Variants in KIF6 observed in about 807,000 individuals in gnomAD.
KIF6 encodes the protein kinesin-like protein KIF6.
A neutral mutation model predicts 112.7 loss-of-function variants in KIF6; 106 were observed. The observed-to-expected ratio is 0.94, with a 90% CI of 0.80 to 1.11. The LOEUF (loss-of-function observed/expected upper bound fraction) is 1.11. Ranked by LOEUF, KIF6 falls within the 50% of genes least tolerant of loss-of-function variation. KIF6 has a pLI of 0.00. For synonymous variants in KIF6, 339 were observed against 339.9 expected, an observed-to-expected ratio of 1.00 and a Z score of 0.03; for missense variants, 929 against 964.0, an observed-to-expected ratio of 0.96 and a Z score of 0.48.
chr6:39,428,688 C>T (rs1229532921), intron 14 of KIF6, among the ~76,000 whole-genome samples: 1 of 152,088 alleles, frequency 6.6e-6, no homozygotes, highest in Non-Finnish European at 1.5e-5. Flanking sequence ...ACCTTTTTTG[C>T]TAAAGCATAT....
chr6:39,458,209 G>T (rs1489502898), intron 13 of KIF6, among the ~76,000 whole-genome samples: 1 of 147,676 alleles, frequency 6.8e-6, no homozygotes, highest in Non-Finnish European at 1.5e-5. Context: ...ATGCAAGGCT[G>T]GTTCAATATA....
At chr6:39,454,379 G>A (rs942599716) in intron 13 of KIF6, among the ~76,000 whole-genome samples, 10 of 151,766 alleles carry the variant, frequency 6.6e-5, no homozygotes, top group Non-Finnish European at 8.8e-5. Context: ...TAGATAGAAT[G>A]GAGGAAAGGC....
chr6:39,432,929 C>A (rs746161213), intron 13 of KIF6, among the ~76,000 whole-genome samples: 40 of 151,920 alleles, frequency 2.6e-4, no homozygotes, highest in Non-Finnish European at 4.3e-4. Context: ...TGCTCCCCCC[C>A]GCAGGGGAGC....
chr6:39,514,767 C>G (rs1562278723), intron 13 of KIF6, among the ~76,000 whole-genome samples: 2 of 131,268 alleles, frequency 1.5e-5, no homozygotes, highest in African/African-American at 7.4e-5. Context: ...AAACTCAAGG[C>G]TTTTTTTCCC....
intron 13 of KIF6, among the ~76,000 whole-genome samples, chr6:39,449,239 C>G (rs1245138977): frequency 6.6e-6 from 1 of 152,214 alleles, no homozygotes; most frequent in Non-Finnish European, 1.5e-5. Flanking sequence ...CTGCTTTAAA[C>G]TCTCCTGTGG....
In KIF6 at chr6:39,357,287, A is replaced by G. The variant is rs920255452; in HGVS notation, c.2170T>C (p.Ser724Pro). Residue 724 changes from serine to proline, a missense_variant, in exon 19 of 23, where the codon TCT becomes CCT. Around this residue, in one of 2 missense-constraint regions of KIF6, gnomAD observed 241 missense variants for 301.4 expected, o/e 0.80. Transcript: ENST00000287152. ...GAGTTCTCACCTTACCTTTTGTTAG[A>G]GAGGAGTTGGGACCATTCATGCTGG... is the stretch of plus-strand genomic sequence containing the variant. The part of the protein sequence containing the change: ...DSQHEWSQLL[S>P]NKSSGGWEVQ... The G allele has an allele frequency of 6.2e-7, 1 of 1,611,496 alleles. No homozygotes were observed. Among genetic ancestry groups the G allele is most frequent in the Non-Finnish European group, 8.5e-7 (1 of 1,178,080 alleles).
intron 13 of KIF6, among the ~76,000 whole-genome samples, chr6:39,460,877 A>G (rs1033047119): frequency 1.9e-4 from 29 of 152,152 alleles, no homozygotes; most frequent in African/African-American, 6.8e-4. Flanking sequence ...TACCTTTGTA[A>G]TACTGCTTCC....
In KIF6 at chr6:39,337,738, A is replaced by G. The variant is rs55848897; in HGVS notation, c.2429-1190T>C. On this transcript the variant is annotated intron_variant, in intron 22 of 22. Coordinates refer to ENST00000287152, the MANE Select transcript of KIF6 (RefSeq NM_145027.6). Reference sequence around the variant, plus strand: ...TGTGGCCCCTATCCTGTCATCTCCCATGGCTGGGCATGGAGAGGGTTCTCT... The same window carrying G: ...TGTGGCCCCTATCCTGTCATCTCCCGTGGCTGGGCATGGAGAGGGTTCTCT... 6.4e-3 allele frequency among the ~76,000 whole-genome samples: 973 copies of G among 152,198 alleles called. 16 individuals are homozygous for G. The highest frequency in any genetic ancestry group is 0.022 in the African/African-American group (905 of 41,534).
At chr6:39,399,362 A>G (rs1024948676) in intron 15 of KIF6, among the ~76,000 whole-genome samples, 2 of 152,152 alleles carry the variant, frequency 1.3e-5, no homozygotes, top group Non-Finnish European at 2.9e-5. Context: ...CAGGTACTCA[A>G]TAGTGGTCAC....
chr6:39,460,536 T>TAAAAAAAAAAAAAAAAAA (rs759528125), intron 13 of KIF6, among the ~76,000 whole-genome samples: 116 of 57,000 alleles, frequency 2.0e-3, no homozygotes, highest in Non-Finnish European at 2.9e-3. Flanking sequence ...AAAAAAAAAG[T>TAAAAAAAAAAAAAAAAAA]AAAAAAAAAA....
At chr6:39,351,182 CTTTTTTT>C (rs5875669) in intron 19 of KIF6, among the ~76,000 whole-genome samples, 13 of 106,804 alleles carry the variant, frequency 1.2e-4, no homozygotes, top group African/African-American at 2.5e-4. Flanking sequence ...TAGGATTAAA[CTTTTTTT>C]TTTTTTTTTT....
intron 13 of KIF6, among the ~76,000 whole-genome samples, chr6:39,501,976 T>C (rs1373952178): frequency 9.9e-5 from 15 of 151,956 alleles, no homozygotes. Context: ...ATTCAGGAAA[T>C]GAAGACAACC....
In KIF6 at chr6:39,578,118, A is replaced by G. The variant is rs1388046114; in HGVS notation, c.1119T>C (p.Asp373=). 1.9e-6 allele frequency: 3 copies of G among 1,614,098 alleles called. No homozygotes were observed. The South Asian group carries it at 3.3e-5, about 18-fold the overall frequency. Residue 373 remains aspartate, a synonymous_variant, in exon 10 of 23, where the codon GAT becomes GAC. Coordinates refer to ENST00000287152, the MANE Select transcript of KIF6 (RefSeq NM_145027.6). The stretch of plus-strand genomic sequence containing the variant: ...GCTCCCCAGTGACCATGGCCAGTTC[A>G]TCCTTCAGTTCCTGGATTTCCTTTT... The part of the protein sequence containing the change: ...RLQKEIQELK[D]ELAMVTGEQR...
intron 16 of KIF6, 51 bp downstream of exon 16, chr6:39,385,571 G>T: frequency 7.0e-7 from 1 of 1,435,502 alleles, no homozygotes; most frequent in Non-Finnish European, 9.8e-7. Context: ...CTAAAATCAG[G>T]TCAGTTTATA....
Position 39,686,297 on chromosome 6 carries a change from T to G in KIF6, c.251+28395A>C, listed in dbSNP as rs553000545. Among the ~76,000 whole-genome samples, 10 of 152,344 alleles carry G rather than the reference T, an allele frequency of 6.6e-5. No homozygotes were observed. In the East Asian group the frequency reaches 1.3e-3, roughly 21 times the overall value. On this transcript the variant is annotated intron_variant, in intron 3 of 22. Transcript: ENST00000287152. ...TTGGCAATTTGCCTTGAAAAATAGA[T>G]GCAACCAGAATTACCCCTTTTATTT...
chr6:39,648,129 T>A (rs1335564895), intron 3 of KIF6, among the ~76,000 whole-genome samples: 1 of 148,878 alleles, frequency 6.7e-6, no homozygotes, highest in Non-Finnish European at 1.5e-5. Flanking sequence ...GTTCAAGCGA[T>A]TCTCCTGCCT....
At chr6:39,352,616 T>C (rs928544734) in intron 19 of KIF6, among the ~76,000 whole-genome samples, 1 of 151,914 alleles carries the variant, frequency 6.6e-6, no homozygotes, top group Non-Finnish European at 1.5e-5. Context: ...CTTTTTTTTT[T>C]TTTTTGAGAT....
intron 10 of KIF6, among the ~76,000 whole-genome samples, chr6:39,575,549 C>T (rs1035935828): frequency 1.3e-5 from 2 of 152,100 alleles, no homozygotes; most frequent in African/African-American, 2.4e-5. Context: ...GGATTACAGG[C>T]GTGAGCCACC....
chr6:39,460,535 G>GAAAAAAAAAAAAAAAAA (rs1491244154), intron 13 of KIF6, among the ~76,000 whole-genome samples: 16 of 31,600 alleles, frequency 5.1e-4, no homozygotes, highest in South Asian at 9.9e-4. Context: ...AAAAAAAAAA[G>GAAAAAAAAAAAAAAAAA]TAAAAAAAAA....
Sources: gnomAD v4.1 joint callset for allele counts (sites outside exome capture counted in the v4.1 genomes callset) on GRCh38, gnomAD v4.1.1 for gene constraint, gnomAD v4.1.1 regional missense constraint, MANE v1.5 for transcripts, NCBI Gene and HGNC (gene_info 2026-07-23, HGNC 2026-07-21) for gene names.